The following ADAMTS17 variants were observed in gnomAD, a reference collection of about 807,000 sequenced individuals.
ADAMTS17 encodes ADAM metallopeptidase with thrombospondin type 1 motif 17.
In ADAMTS17, 113 loss-of-function variants were observed where a neutral mutation model predicts 141.5. The ratio of observed to expected loss-of-function variants is 0.80; its 90% CI spans 0.69 to 0.93. The LOEUF is 0.93. Ranked by LOEUF, ADAMTS17 falls within the 40% of genes least tolerant of loss-of-function variation. The pLI is 0.00. For synonymous variants in ADAMTS17, 768 were observed against 630.6 expected (o/e 1.22, Z -3.27); for missense variants, 1,659 against 1,517.9 (o/e 1.09, Z -1.54).
intron 7 of ADAMTS17, among the ~76,000 whole-genome samples, chr15:100,218,697 C>T (rs2042041732): frequency 6.6e-6 from 1 of 152,152 alleles, no homozygotes; most frequent in African/African-American, 2.4e-5. Context: ...CTAGAATTAC[C>T]ATCTGATTCA....
At chr15:100,198,845 G>A (rs2041217063) in intron 8 of ADAMTS17, among the ~76,000 whole-genome samples, 1 of 152,192 alleles carries the variant, frequency 6.6e-6, no homozygotes, top group African/African-American at 2.4e-5. Flanking sequence ...AAGAATCGCT[G>A]TGTGCAAAGA....
intron 7 of ADAMTS17, among the ~76,000 whole-genome samples, chr15:100,241,748 CCTAACCATGATTCAGTTCTTGT>C (rs2042833750): frequency 2.0e-5 from 3 of 152,280 alleles, no homozygotes; most frequent in East Asian, 1.9e-4. Flanking sequence ...CTCAGCCTTT[CCTAACCATGATTCAGTTCTTGT>C]CTAACCATGA....
At chr15:100,050,199 A>T (rs1313902383) in intron 17 of ADAMTS17, among the ~76,000 whole-genome samples, 1 of 152,140 alleles carries the variant, frequency 6.6e-6, no homozygotes, top group Non-Finnish European at 1.5e-5. Flanking sequence ...CTGTGTTAGG[A>T]AGCTGGAAGT....
At chr15:100,029,873 T>C (rs2029959124) in intron 18 of ADAMTS17, among the ~76,000 whole-genome samples, 1 of 152,148 alleles carries the variant, frequency 6.6e-6, no homozygotes, top group African/African-American at 2.4e-5. Flanking sequence ...GCATCATGAG[T>C]GCTATCAGAG....
intron 19 of ADAMTS17, among the ~76,000 whole-genome samples, chr15:99,995,999 G>A (rs1164773644): frequency 6.6e-6 from 1 of 151,596 alleles, no homozygotes; most frequent in African/African-American, 2.4e-5. Flanking sequence ...GATAATTGAT[G>A]ATGTCAGACT....
chr15:100,088,501 A>G (rs2035248405), intron 15 of ADAMTS17, among the ~76,000 whole-genome samples: 1 of 152,178 alleles, frequency 6.6e-6, no homozygotes, highest in Non-Finnish European at 1.5e-5. Flanking sequence ...TAAAGTTCAT[A>G]TGGAACCAAA....
chr15:100,325,532 A>AGGTGGAGCCTAGTGGGAGGT (rs2045873147), intron 3 of ADAMTS17, among the ~76,000 whole-genome samples: 2 of 152,134 alleles, frequency 1.3e-5, no homozygotes, highest in Non-Finnish European at 2.9e-5. Flanking sequence ...CCAATGCTGG[A>AGGTGGAGCCTAGTGGGAGGT]GGTGGAGCCT....
chr15:100,293,642 C>T (rs776950190), intron 3 of ADAMTS17, among the ~76,000 whole-genome samples: 11 of 152,124 alleles, frequency 7.2e-5, no homozygotes, highest in South Asian at 4.1e-4. Context: ...GGCCTTGGAA[C>T]GCCTCCTGGC....
intron 12 of ADAMTS17, among the ~76,000 whole-genome samples, chr15:100,125,356 A>G (rs11634512): frequency 4.6e-5 from 7 of 152,050 alleles, no homozygotes; most frequent in African/African-American, 7.2e-5. Flanking sequence ...TGGCACATGG[A>G]AAGCACATAG....
intron 8 of ADAMTS17, among the ~76,000 whole-genome samples, chr15:100,165,407 G>T (rs2039909520): frequency 6.6e-6 from 1 of 152,102 alleles, no homozygotes. Flanking sequence ...ATGCCTCCTG[G>T]GCATGCCATG....
At chr15:99,980,496 A>G (rs2060462900) in intron 20 of ADAMTS17, 1 of 152,152 alleles carries the variant, frequency 6.6e-6, no homozygotes, top group Non-Finnish European at 1.5e-5. Context: ...CTTTCTGGAG[A>G]GAGGAGCATG....
At chr15:100,324,676 G>A (rs1351448699) in intron 3 of ADAMTS17, among the ~76,000 whole-genome samples, 1 of 152,190 alleles carries the variant, frequency 6.6e-6, no homozygotes, top group East Asian at 1.9e-4. Flanking sequence ...GAATACTAAT[G>A]AGAGTCTCTA....
At chr15:100,340,955 G>C in intron 2 of ADAMTS17, 84 bp downstream of exon 2, 1 of 1,503,244 alleles carries the variant, frequency 6.7e-7, no homozygotes, top group Non-Finnish European at 8.9e-7. Context: ...TTCCAGCAGA[G>C]GCGCCCCACC....
At chr15:100,287,182 A>G (rs2142105070) in intron 3 of ADAMTS17, among the ~76,000 whole-genome samples, 1 of 152,288 alleles carries the variant, frequency 6.6e-6, no homozygotes, top group South Asian at 2.1e-4. Flanking sequence ...GCAAGACTCC[A>G]TCTCAAAAGA....
chr15:100,037,160 T>C (rs996141907), intron 18 of ADAMTS17, among the ~76,000 whole-genome samples: 5 of 152,226 alleles, frequency 3.3e-5, no homozygotes, highest in Non-Finnish European at 5.9e-5. Context: ...TTGTGTCATT[T>C]AGTATTCCCA....
chr15:100,245,229 G>C (rs902816665), intron 7 of ADAMTS17, among the ~76,000 whole-genome samples: 1 of 152,224 alleles, frequency 6.6e-6, no homozygotes, highest in Non-Finnish European at 1.5e-5. Context: ...AACCTGGAAG[G>C]GAGGTCTGTT....
chr15:100,228,671 C>T lies in ADAMTS17; in HGVS notation c.1075+25465G>A, dbSNP rs114626050. ...GGTGAGGGCATGAAACGTCAAATGC[C>T]ACACTTGGCATGCTCTTGGAGAACT... is the stretch of plus-strand genomic sequence containing the variant. On this transcript the variant is annotated intron_variant, in intron 7 of 21. Coordinates refer to ENST00000268070, the MANE Select transcript of ADAMTS17 (RefSeq NM_139057.4). Among the ~76,000 whole-genome samples the T allele has an allele frequency of 6.7e-3, 1,021 of 152,314 alleles. 6 individuals carry two copies. Among genetic ancestry groups the T allele is most frequent in the South Asian group, 0.043 (207 of 4,820 alleles).
At position 99,977,349 on chromosome 15, in the gene ADAMTS17, CATATATATATATATATATATAT is replaced by C. The variant is rs71151927; in HGVS notation, c.2950-1149_2950-1128del. Among the ~76,000 whole-genome samples the C allele has an allele frequency of 3.3e-3, 100 of 30,332 alleles. 4 individuals are homozygous for C. The highest frequency in any genetic ancestry group is 0.013 in the African/African-American group (85 of 6,640). The allele number at this position is 30,332 out of a possible 152,430, so 19.9% of individuals were successfully genotyped here. ...GGTTCTGTTCTCCGTCCCTCCTCTTCATATATATATATATATATATATATATATATATATATATATATATATA... is the reference window on the plus strand; with the variant it reads ...GGTTCTGTTCTCCGTCCCTCCTCTTCATATATATATATATATATATATATA... On this transcript the variant is annotated intron_variant, in intron 20 of 21. Transcript: ENST00000268070.
chr15:100,305,616 C>T (rs2047373384), intron 3 of ADAMTS17, among the ~76,000 whole-genome samples: 1 of 152,222 alleles, frequency 6.6e-6, no homozygotes, highest in Non-Finnish European at 1.5e-5. Flanking sequence ...GGGTCTTACA[C>T]TTGCCCCAGA....
Sources: allele counts gnomAD v4.1 joint callset (sites outside exome capture counted in the v4.1 genomes callset), GRCh38; gene constraint gnomAD v4.1.1; transcripts MANE v1.5; gene names NCBI Gene and HGNC (gene_info 2026-07-23, HGNC 2026-07-21).